The following DNAH7 variants were observed in gnomAD, a reference collection of about 807,000 sequenced individuals.
DNAH7 encodes the protein dynein axonemal heavy chain 7.
Under a neutral mutation model 444.6 loss-of-function variants are expected in DNAH7, and 397 were observed. The ratio of observed to expected loss-of-function variants is 0.89; its 90% CI spans 0.82 to 0.97. The LOEUF is 0.97. DNAH7 is among the 50% of genes least tolerant of loss of function. The pLI, the probability that DNAH7 is intolerant of heterozygous loss-of-function variation, is 0.00. For missense variants in DNAH7, 4,902 were observed against 4,800.8 expected (o/e 1.02, Z -0.62); for synonymous variants, 1,636 against 1,624.4 (o/e 1.01, Z -0.17).
chr2:195,964,618 G>C (rs1279044652), intron 17 of DNAH7, among the ~76,000 whole-genome samples: 1 of 143,726 alleles, frequency 7.0e-6, no homozygotes, highest in Non-Finnish European at 1.5e-5. Flanking sequence ...TGTAATCCCA[G>C]CACTTTGGGA....
At chr2:195,939,947 C>T (rs968532531) in intron 19 of DNAH7, among the ~76,000 whole-genome samples, 2 of 152,250 alleles carry the variant, frequency 1.3e-5, no homozygotes, top group East Asian at 3.9e-4. Flanking sequence ...GCCATACTGC[C>T]CAAAGTAATT....
chr2:195,816,673 A>G lies in DNAH7; in HGVS notation c.9716T>C (p.Ile3239Thr). 6.2e-7 allele frequency: 1 copy of G among 1,614,022 alleles called. No homozygotes were observed. The highest frequency in any genetic ancestry group is 8.5e-7 in the Non-Finnish European group (1 of 1,179,964). ...YSLTWFINLF[I>T]LSIENSEKSE... The stretch of plus-strand genomic sequence containing the variant: ...TTTCTCTGAATTTTCAATAGACAGG[A>G]TGAAAAGGTTAATAAACCAGGTCAG... The change falls in exon 51 of 65, where the codon ATC (isoleucine) becomes ACC (threonine). Residue 3239 changes from isoleucine (I) to threonine (T), a missense_variant. By Grantham distance (89) the Ile-to-Thr change is moderately conservative (BLOSUM62 -1). Coordinates refer to ENST00000312428, the MANE Select transcript of DNAH7 (RefSeq NM_018897.3).
chr2:195,852,913 CACAGAGAGAGAGAGAG>C (rs762377383), intron 46 of DNAH7, among the ~76,000 whole-genome samples: 5 of 134,626 alleles, frequency 3.7e-5, no homozygotes, highest in Middle Eastern at 3.5e-3. Flanking sequence ...CACACACACA[CACAGAGAGAGAGAGAG>C]AGAGAGAGAG....
intron 48 of DNAH7, among the ~76,000 whole-genome samples, chr2:195,825,778 T>C (rs1235091206): frequency 6.6e-6 from 1 of 152,198 alleles, no homozygotes; most frequent in Non-Finnish European, 1.5e-5. Context: ...GTGTACAATC[T>C]GGATGGGAAG....
chr2:195,869,361 T>C (rs904240100), intron 40 of DNAH7, among the ~76,000 whole-genome samples: 1 of 150,494 alleles, frequency 6.6e-6, no homozygotes, highest in African/African-American at 2.5e-5. Context: ...TTGAGAATAA[T>C]GTACCAAACA....
intron 36 of DNAH7, among the ~76,000 whole-genome samples, chr2:195,877,100 A>ACTTAAAATAT (rs1161977269): frequency 6.6e-6 from 1 of 152,242 alleles, no homozygotes; most frequent in East Asian, 1.9e-4. Flanking sequence ...GTAAGTTAGA[A>ACTTAAAATAT]AGCTTAAAAA....
intron 61 of DNAH7, among the ~76,000 whole-genome samples, chr2:195,758,772 G>C (rs1271307942): frequency 6.6e-6 from 1 of 152,196 alleles, no homozygotes; most frequent in Non-Finnish European, 1.5e-5. Flanking sequence ...CTGGAACTCA[G>C]TGCTTTCCTG....
At chr2:195,911,430 C>T (rs1298090896) in intron 24 of DNAH7, among the ~76,000 whole-genome samples, 2 of 151,882 alleles carry the variant, frequency 1.3e-5, no homozygotes, top group Non-Finnish European at 2.9e-5. Flanking sequence ...AGTTAAGAGA[C>T]ATAGAAGGAA....
chr2:195,987,395 T>G (rs1692992697), intron 13 of DNAH7, among the ~76,000 whole-genome samples: 1 of 152,122 alleles, frequency 6.6e-6, no homozygotes, highest in Admixed American at 6.6e-5. Context: ...CTTGAAAAGT[T>G]TATTATCTTG....
intron 64 of DNAH7, 116 bp downstream of exon 64, chr2:195,740,650 T>TATATACACAC (rs1453163601): frequency 5.5e-5 from 4 of 72,194 alleles, no homozygotes; most frequent in African/African-American, 2.6e-4. Context: ...TATATACATA[T>TATATACACAC]ACACACACAC....
chr2:195,950,851 CAAAAAAAAAAA>C (rs67782183), intron 19 of DNAH7, among the ~76,000 whole-genome samples: 51 of 36,712 alleles, frequency 1.4e-3, no homozygotes, highest in African/African-American at 4.3e-3. Context: ...GACTCTGTCT[CAAAAAAAAAAA>C]AAAAAAAAAA....
chr2:195,810,246 AAATG>A (rs1246316196), intron 51 of DNAH7, among the ~76,000 whole-genome samples: 5 of 152,208 alleles, frequency 3.3e-5, no homozygotes, highest in African/African-American at 7.2e-5. Flanking sequence ...ATTGTATATT[AAATG>A]AATAGTCTAA....
intron 61 of DNAH7, among the ~76,000 whole-genome samples, chr2:195,765,017 T>C (rs908648922): frequency 2.0e-5 from 3 of 152,176 alleles, no homozygotes; most frequent in South Asian, 2.1e-4. Context: ...CAAAACAGCA[T>C]GGTACTGGCA....
intron 17 of DNAH7, among the ~76,000 whole-genome samples, chr2:195,962,933 C>T (rs1691208782): frequency 6.6e-6 from 1 of 152,188 alleles, no homozygotes; most frequent in African/African-American, 2.4e-5. Flanking sequence ...AGTGTTGTTG[C>T]AAATGACAGA....
intron 5 of DNAH7, among the ~76,000 whole-genome samples, chr2:196,045,202 AAGG>A (rs140581136): frequency 0.032 from 4,676 of 145,382 alleles, 235 homozygotes; most frequent in African/African-American, 0.11. Context: ...GGAGGAGGAA[AAGG>A]AGGAGGAGGA....
At chr2:195,933,788 T>C (rs888075900) in intron 21 of DNAH7, among the ~76,000 whole-genome samples, 1 of 149,840 alleles carries the variant, frequency 6.7e-6, no homozygotes, top group African/African-American at 2.4e-5. Context: ...TTAGGAGATA[T>C]ACCTAATGTT....
intron 14 of DNAH7, among the ~76,000 whole-genome samples, chr2:195,985,236 G>A (rs957260978): frequency 5.3e-5 from 8 of 152,188 alleles, no homozygotes; most frequent in African/African-American, 1.7e-4. Flanking sequence ...AAGAGCTAAG[G>A]GAGTTCAAAT....
chr2:195,986,684 T>C (rs913473849), intron 14 of DNAH7, among the ~76,000 whole-genome samples: 5 of 152,298 alleles, frequency 3.3e-5, no homozygotes, highest in Admixed American at 2.0e-4. Flanking sequence ...TTTAGGAAGA[T>C]GAAGTTTCAA....
At chr2:195,741,559 TGTAGACTTTG>T (rs1693035109) in intron 63 of DNAH7, among the ~76,000 whole-genome samples, 1 of 152,244 alleles carries the variant, frequency 6.6e-6, no homozygotes, top group African/African-American at 2.4e-5. Flanking sequence ...TGTCAAGCAA[TGTAGACTTTG>T]GGAAGACCAA....
Sources: gnomAD v4.1 joint callset for allele counts (sites outside exome capture counted in the v4.1 genomes callset) on GRCh38, gnomAD v4.1.1 for gene constraint, MANE v1.5 for transcripts, NCBI Gene and HGNC (gene_info 2026-07-23, HGNC 2026-07-21) for gene names.